GRIK4: variants seen among roughly 807,000 people sequenced by gnomAD.
GRIK4 encodes glutamate ionotropic receptor kainate type subunit 4, also known as glutamate receptor ionotropic, kainate 4.
A neutral mutation model predicts 104.9 loss-of-function variants in GRIK4; 40 were observed. The observed-to-expected ratio is 0.38, with a 90% CI of 0.30 to 0.50. GRIK4 has a LOEUF of 0.50. Among genes scored for constraint, GRIK4 ranks in the 20% least tolerant of loss-of-function variants. GRIK4 has a pLI of 0.93. For missense variants in GRIK4, 1,047 were observed against 1,308.1 expected (o/e 0.80, Z 3.08); for synonymous variants, 485 against 524.9 (o/e 0.92, Z 1.04).
At chr11:120,537,199 A>G (rs1417094852) in intron 1 of GRIK4, among the ~76,000 whole-genome samples, 3 of 151,962 alleles carry the variant, frequency 2.0e-5, no homozygotes. Context: ...GCTGTTCCTT[A>G]CTCTTTGCCT....
chr11:120,726,707 A>C (rs1340507339), intron 3 of GRIK4, among the ~76,000 whole-genome samples: 1 of 152,194 alleles, frequency 6.6e-6, no homozygotes, highest in African/African-American at 2.4e-5. Flanking sequence ...GACATCTATT[A>C]GACATAGATC....
intron 19 of GRIK4, among the ~76,000 whole-genome samples, chr11:120,969,175 A>G (rs1303729463): frequency 6.6e-6 from 1 of 152,232 alleles, no homozygotes; most frequent in Non-Finnish European, 1.5e-5. Context: ...ACTTACTTGA[A>G]GTGGTTAGCA....
In GRIK4 at chr11:120,956,723, T is replaced by C. The variant is rs1044771885; in HGVS notation, c.1701-57T>C. The C allele has an allele frequency of 3.1e-5, 41 of 1,339,726 alleles. No individual in the cohort carries two copies. Among genetic ancestry groups the C allele is most frequent in the Non-Finnish European group, 3.8e-5 (38 of 998,476 alleles). The allele number at this position is 1,339,726 out of a possible 1,614,324, so 83.0% of individuals were successfully genotyped here. A position where few individuals can be genotyped will look rare whatever the true frequency, so the allele number is the denominator to read the frequency against. On this transcript the variant is annotated intron_variant, in intron 15 of 20. Coordinates refer to ENST00000527524, the MANE Select transcript of GRIK4 (RefSeq NM_014619.5). This position sits in a 1 kb window ranked among gnomAD's most constrained non-coding sequence, Gnocchi z 4.6. Reference sequence around the variant, plus strand: ...GTGAGACCAGCCAGGAGAGCCTGCCTGTGTCCCTTCACACCCCGCCTCTGT... The same window carrying C: ...GTGAGACCAGCCAGGAGAGCCTGCCCGTGTCCCTTCACACCCCGCCTCTGT...
At chr11:120,914,673 A>G (rs568705100) in intron 13 of GRIK4, among the ~76,000 whole-genome samples, 2 of 152,288 alleles carry the variant, frequency 1.3e-5, no homozygotes, top group Admixed American at 1.3e-4. Context: ...GGCTGTAGGC[A>G]GGGGCCAGTC....
At chr11:120,580,593 G>A (rs1325588310) in intron 1 of GRIK4, among the ~76,000 whole-genome samples, 2 of 151,076 alleles carry the variant, frequency 1.3e-5, no homozygotes, top group South Asian at 2.1e-4. Flanking sequence ...TTTAGAAACA[G>A]GGTTTTGCTC....
At chr11:120,779,253 G>C (rs2846097) in intron 3 of GRIK4, among the ~76,000 whole-genome samples, 44,461 of 152,042 alleles carry the variant, frequency 0.29, 8,966 homozygotes, top group African/African-American at 0.57. Context: ...GGCGAAGGAA[G>C]GTGAAGAGAG....
chr11:120,577,205 G>A (rs1948496743), intron 1 of GRIK4, among the ~76,000 whole-genome samples: 1 of 152,196 alleles, frequency 6.6e-6, no homozygotes, highest in African/African-American at 2.4e-5. Context: ...GAGAGGCGGG[G>A]CAGGCACAGT....
chr11:120,740,866 C>T (rs916796110), intron 3 of GRIK4, among the ~76,000 whole-genome samples: 1 of 152,204 alleles, frequency 6.6e-6, no homozygotes, highest in African/African-American at 2.4e-5. Context: ...CTGGGTCATT[C>T]TCACCTTACC....
chr11:120,775,241 C>T (rs1244312581), intron 3 of GRIK4, among the ~76,000 whole-genome samples: 3 of 152,212 alleles, frequency 2.0e-5, no homozygotes, highest in Non-Finnish European at 4.4e-5. Flanking sequence ...AACCTGCCCT[C>T]CATTGAAGAA....
intron 3 of GRIK4, among the ~76,000 whole-genome samples, chr11:120,746,840 G>A (rs1202818995): frequency 6.6e-6 from 1 of 152,126 alleles, no homozygotes; most frequent in Non-Finnish European, 1.5e-5. Flanking sequence ...GACAACTCTT[G>A]AATGAATGCA....
At chr11:120,837,583 A>G (rs1360643450) in intron 8 of GRIK4, among the ~76,000 whole-genome samples, 1 of 152,108 alleles carries the variant, frequency 6.6e-6, no homozygotes, top group Non-Finnish European at 1.5e-5. Context: ...AAGTAAGCAC[A>G]CCTGTGTAAG....
At chr11:120,556,054 G>A (rs1203165737) in intron 1 of GRIK4, among the ~76,000 whole-genome samples, 2 of 152,162 alleles carry the variant, frequency 1.3e-5, no homozygotes, top group East Asian at 1.9e-4. Flanking sequence ...CACACAGAGC[G>A]CCGTCTAATG....
chr11:120,675,743 T>C (rs1950089915), intron 3 of GRIK4, among the ~76,000 whole-genome samples: 1 of 152,122 alleles, frequency 6.6e-6, no homozygotes, highest in Non-Finnish European at 1.5e-5. Flanking sequence ...GGGATAATAA[T>C]ACTCACCTTA....
intron 3 of GRIK4, among the ~76,000 whole-genome samples, chr11:120,731,847 T>C (rs1951137216): frequency 6.6e-6 from 1 of 152,226 alleles, no homozygotes; most frequent in South Asian, 2.1e-4. Context: ...GGTATATAGT[T>C]GCTTATAGTA....
At chr11:120,732,497 A>G (rs1244845611) in intron 3 of GRIK4, among the ~76,000 whole-genome samples, 1 of 152,180 alleles carries the variant, frequency 6.6e-6, no homozygotes. Flanking sequence ...TTTTTTAATG[A>G]GGCACCTACA....
intron 3 of GRIK4, among the ~76,000 whole-genome samples, chr11:120,693,169 A>G (rs572418537): frequency 5.9e-5 from 9 of 151,760 alleles, no homozygotes; most frequent in East Asian, 1.9e-4. Context: ...CAGTGGTGCA[A>G]TCTTGGCTTA....
At chr11:120,716,230 C>T (rs1950830102) in intron 3 of GRIK4, among the ~76,000 whole-genome samples, 1 of 114,030 alleles carries the variant, frequency 8.8e-6, no homozygotes, top group African/African-American at 3.4e-5. Flanking sequence ...TCATTCACTA[C>T]CTGACATGAT....
intron 3 of GRIK4, among the ~76,000 whole-genome samples, chr11:120,736,968 G>T (rs1400238546): frequency 6.6e-6 from 1 of 152,138 alleles, no homozygotes; most frequent in African/African-American, 2.4e-5. Context: ...CCTGGAATAG[G>T]TCATGTAAAA....
intron 18 of GRIK4, among the ~76,000 whole-genome samples, chr11:120,963,354 A>C (rs1944325443): frequency 6.6e-6 from 1 of 152,228 alleles, no homozygotes; most frequent in East Asian, 1.9e-4. Context: ...TTAAAAGGAC[A>C]TTCACACTTT....
Sources: allele counts gnomAD v4.1 joint callset (sites outside exome capture counted in the v4.1 genomes callset), GRCh38; gene constraint gnomAD v4.1.1; non-coding constraint Gnocchi (gnomAD v3.1); transcripts MANE v1.5; gene names NCBI Gene and HGNC (gene_info 2026-07-23, HGNC 2026-07-21).